HOXC4: variants seen among roughly 807,000 people sequenced by gnomAD.
HOXC4 encodes the protein homeobox C4.
HOXC4 carries 15 observed loss-of-function variants against 25.5 expected under a neutral mutation model. The ratio of observed to expected loss-of-function variants is 0.59; its 90% confidence interval spans 0.39 to 0.91. The LOEUF (loss-of-function observed/expected upper bound fraction) is 0.91, where lower values mean the gene tolerates loss of function less well. Among genes scored for constraint, HOXC4 ranks in the 40% least tolerant of loss-of-function variants. HOXC4 has a pLI of 0.00. For missense variants in HOXC4, 342 were observed against 352.4 expected (o/e 0.97, Z 0.24); for synonymous variants, 165 against 148.0 (o/e 1.11, Z -0.83).
chr12:54,031,652 CAG>C (rs1015393067), intron 1 of HOXC4, among the ~76,000 whole-genome samples: 5 of 152,202 alleles, frequency 3.3e-5, no homozygotes, highest in African/African-American at 7.2e-5. Context: ...AAAAATCCGC[CAG>C]AGTTTTCCGG....
At chr12:54,039,265 G>C (rs772568305) in intron 1 of HOXC4, among the ~76,000 whole-genome samples, 1 of 152,184 alleles carries the variant, frequency 6.6e-6, no homozygotes, top group Non-Finnish European at 1.5e-5. Context: ...GAGAGGTGCT[G>C]TTGGGGGATG....
chr12:54,045,043 A>C (rs1937670526), intron 1 of HOXC4, among the ~76,000 whole-genome samples: 1 of 152,222 alleles, frequency 6.6e-6, no homozygotes, highest in Non-Finnish European at 1.5e-5. Flanking sequence ...AGATTATATG[A>C]GTTCCGGGCC....
At chr12:54,042,698 G>A (rs1286140390) in intron 1 of HOXC4, among the ~76,000 whole-genome samples, 1 of 152,154 alleles carries the variant, frequency 6.6e-6, no homozygotes, top group African/African-American at 2.4e-5. Flanking sequence ...TTGAGGTGAA[G>A]GAGAAAGAAA....
At chr12:54,030,263 A>G (rs1940932555) in intron 1 of HOXC4, 2 of 225,818 alleles carry the variant, frequency 8.9e-6, no homozygotes, top group Non-Finnish European at 1.7e-5. Flanking sequence ...GACTCTACAG[A>G]TTGCCCTCCA....
At chr12:54,042,464 A>G (rs191409556) in intron 1 of HOXC4, among the ~76,000 whole-genome samples, 7 of 152,164 alleles carry the variant, frequency 4.6e-5, no homozygotes, top group African/African-American at 1.4e-4. Context: ...AGGCACTGGG[A>G]AAAGAGATTT....
At chr12:54,029,667 G>T in intron 1 of HOXC4, 1 of 1,613,204 alleles carries the variant, frequency 6.2e-7, no homozygotes, top group African/African-American at 1.3e-5. Flanking sequence ...GTCGGCTACG[G>T]AGCGGACCGG....
chr12:54,042,907 G>A (rs1941297883), intron 1 of HOXC4, among the ~76,000 whole-genome samples: 1 of 152,212 alleles, frequency 6.6e-6, no homozygotes. Flanking sequence ...GGAGCCCAAG[G>A]AATTGCCAGA....
intron 1 of HOXC4, among the ~76,000 whole-genome samples, chr12:54,027,487 CAAATAAT>C (rs993271881): frequency 1.3e-5 from 2 of 152,186 alleles, no homozygotes; most frequent in Non-Finnish European, 2.9e-5. Context: ...TCACTGGCTC[CAAATAAT>C]AAATTCTCAC....
In HOXC4 at chr12:54,054,244, G is replaced by T. The variant is rs1389603766; in HGVS notation, c.322G>T (p.Ala108Ser). ...GCCGGCGCCTCTCTCAGGCGCCTCC[G>T]CCTCCCCGTCCCCAGCCCCGCCAGC... ...CEPAPLSGAS[A>S]SPSPAPPACS... The change falls in exon 1 of 2, where the codon GCC becomes TCC. Residue 108 changes from alanine (A) to serine (S), a missense_variant. Ala to Ser is a moderately conservative substitution (Grantham distance 99). Transcript: ENST00000430889. The T allele has an allele frequency of 3.5e-5, 56 of 1,609,982 alleles. No individual in the cohort carries two copies. The highest frequency in any genetic ancestry group is 4.6e-5 in the Non-Finnish European group (54 of 1,178,504).
chr12:54,017,508 A>T (rs966494793), intron 1 of HOXC4: 3 of 148,042 alleles, frequency 2.0e-5, no homozygotes, highest in Admixed American at 2.0e-4. Flanking sequence ...TAGGGAGAAG[A>T]GGGGGCTGGC....
chr12:54,055,009 T>C lies in HOXC4; in HGVS notation c.599T>C (p.Ile200Thr). 2 of 1,613,760 alleles carry C rather than the reference T, an allele frequency of 1.2e-6. No homozygotes were observed. The highest frequency in any genetic ancestry group is 1.7e-6 in the Non-Finnish European group (2 of 1,179,976). Residue 200 changes from isoleucine (I) to threonine (T), a missense_variant, in exon 2 of 2, where the codon ATC (isoleucine) becomes ACC (threonine). Physicochemically the swap from Ile to Thr is moderately conservative, Grantham distance 89. Transcript: ENST00000430889. ...AHSLCLSERQ[I>T]KIWFQNRRMK... is the part of the protein sequence containing the mutation. Reference sequence around the variant, plus strand: ...TCGCTGTGCCTCTCTGAGAGGCAGATCAAAATCTGGTTCCAAAACCGTCGC... The same window carrying C: ...TCGCTGTGCCTCTCTGAGAGGCAGACCAAAATCTGGTTCCAAAACCGTCGC...
Position 54,044,663 on chromosome 12 carries a change from G to A in HOXC4, c.-123-8497G>A, listed in dbSNP as rs150690998. Among the ~76,000 whole-genome samples, 464 of 152,266 alleles carry A rather than the reference G, an allele frequency of 3.0e-3. 4 individuals are homozygous for A. Among genetic ancestry groups the A allele is most frequent in the African/African-American group, 0.011 (451 of 41,532 alleles). On this transcript the variant is annotated intron_variant, in intron 1 of 3. Coordinates refer to the HOXC4 transcript ENST00000303406. Reference sequence around the variant, plus strand: ...GTACCGCATGAATGGAGGAAACTCTGCAGTCTGTCACTGGGTTTTTTTGTA... The same window carrying A: ...GTACCGCATGAATGGAGGAAACTCTACAGTCTGTCACTGGGTTTTTTTGTA...
At chr12:54,050,891 T>C (rs1433354331), upstream of HOXC4, among the ~76,000 whole-genome samples, 1 of 152,184 alleles carries the variant, frequency 6.6e-6, no homozygotes, top group South Asian at 2.1e-4. Flanking sequence ...ATATTAATAG[T>C]GTGCACGCAT....
rs759935704 is a variant in HOXC4 at position 54,055,158 on chromosome 12, G to T, written c.748G>T (p.Ala250Ser). Residue 250 changes from alanine (A) to serine (S), a missense_variant, in exon 2 of 2, where the codon GCC becomes TCC. Physicochemically the swap from Ala to Ser is moderately conservative, Grantham distance 99 (BLOSUM62 1). Transcript: ENST00000430889. ...TACTTCTGAAGACCACTCCCAGAGC[G>T]CCACGCCGCCGGAGCAGCAACGGGC... Reference protein sequence around the residue: ...PGTSEDHSQSATPPEQQRAED... With the variant: ...PGTSEDHSQSSTPPEQQRAED... 1.2e-6 allele frequency: 2 copies of T among 1,611,678 alleles called. No individual in the cohort carries two copies. Among genetic ancestry groups the T allele is most frequent in the East Asian group, 4.5e-5 (2 of 44,824 alleles).
rs566083946 is a variant in HOXC4, at chr12:54,028,434, G to T, written c.-124+11020G>T. Reference sequence around the variant, plus strand: ...ATTTTGTCTGTCCTGGATTGGAGCCGTCCCTATAACCATCTAGTTCCGAGT... The same window carrying T: ...ATTTTGTCTGTCCTGGATTGGAGCCTTCCCTATAACCATCTAGTTCCGAGT... On this transcript the variant is annotated intron_variant, in intron 1 of 3. Coordinates refer to the HOXC4 transcript ENST00000303406. The T allele has an allele frequency of 1.8e-4, 259 of 1,409,300 alleles. No individual in the cohort carries two copies. In the African/African-American group the frequency reaches 3.3e-3, roughly 18 times the overall value. The allele number at this position is 1,409,300 out of a possible 1,614,324, so 87.3% of individuals were successfully genotyped here. A position where few individuals can be genotyped will look rare whatever the true frequency, so the allele number is the denominator to read the frequency against.
chr12:54,027,011 C>T (rs1447944561), intron 1 of HOXC4, among the ~76,000 whole-genome samples: 1 of 151,808 alleles, frequency 6.6e-6, no homozygotes, highest in Non-Finnish European at 1.5e-5. Context: ...ACACTCCCCA[C>T]CACCCTTCTT....
At chr12:54,033,354 G>A (rs776825391) in intron 1 of HOXC4, 18 of 1,612,678 alleles carry the variant, frequency 1.1e-5, no homozygotes, top group Non-Finnish European at 1.5e-5. Context: ...CGCCTGCAGC[G>A]CCGCGGCCGC....
intron 1 of HOXC4, chr12:54,028,345 AT>A (rs150694870): frequency 7.2e-5 from 44 of 612,874 alleles, no homozygotes; most frequent in East Asian, 1.7e-4. Context: ...AGCAGAAGCG[AT>A]TTTTTTCCCC....
intron 1 of HOXC4, among the ~76,000 whole-genome samples, chr12:54,029,186 GAGC>G (rs1321612215): frequency 2.6e-5 from 4 of 152,214 alleles, no homozygotes; most frequent in Admixed American, 2.6e-4. Context: ...TGAGGGGAGG[GAGC>G]AGAAGATAGG....
Sources: gnomAD v4.1 joint callset for allele counts (sites outside exome capture counted in the v4.1 genomes callset) on GRCh38, gnomAD v4.1.1 for gene constraint, MANE v1.5 for transcripts, NCBI Gene and HGNC (gene_info 2026-07-23, HGNC 2026-07-21) for gene names.